Variants in SLC4A4 observed in about 807,000 individuals in gnomAD.
SLC4A4 encodes electrogenic sodium bicarbonate cotransporter 1.
A neutral mutation model predicts 111.5 loss-of-function variants in SLC4A4; 27 were observed. The observed-to-expected ratio is 0.24, with a 90% CI of 0.18 to 0.33. The LOEUF is 0.33. Among genes scored for constraint, SLC4A4 ranks in the 10% least tolerant of loss-of-function variants. The pLI, the probability that SLC4A4 is intolerant of heterozygous loss-of-function variation, is 1.00. For synonymous variants in SLC4A4, 443 were observed against 463.4 expected, an observed-to-expected ratio of 0.96 and a Z score of 0.57; for missense variants, 909 against 1,315.5, an observed-to-expected ratio of 0.69 and a Z score of 4.78.
At chr4:71,243,059 T>A (rs541957370) in intron 2 of SLC4A4, among the ~76,000 whole-genome samples, 1 of 152,284 alleles carries the variant, frequency 6.6e-6, no homozygotes, top group Non-Finnish European at 1.5e-5. Context: ...TGTCTTTTTT[T>A]CCAAGAAGAG....
chr4:71,495,729 C>G (rs139116856), intron 15 of SLC4A4, among the ~76,000 whole-genome samples: 2 of 152,106 alleles, frequency 1.3e-5, no homozygotes, highest in South Asian at 2.1e-4. Context: ...AGGTAGAACT[C>G]TTGTCTTCAA....
intron 2 of SLC4A4, among the ~76,000 whole-genome samples, chr4:71,137,248 C>T (rs1405809801): frequency 6.6e-6 from 1 of 152,182 alleles, no homozygotes; most frequent in East Asian, 1.9e-4. Context: ...TCATCTTTCA[C>T]CCCAGTTCTG....
At chr4:71,385,993 T>C (rs934970524) in intron 6 of SLC4A4, among the ~76,000 whole-genome samples, 1 of 151,994 alleles carries the variant, frequency 6.6e-6, no homozygotes, top group Non-Finnish European at 1.5e-5. Flanking sequence ...AAGGACAAAT[T>C]AAGGTTAAAA....
intron 6 of SLC4A4, among the ~76,000 whole-genome samples, chr4:71,378,668 C>G (rs1717783405): frequency 6.6e-6 from 1 of 152,172 alleles, no homozygotes; most frequent in African/African-American, 2.4e-5. Flanking sequence ...ATGCAGTATT[C>G]CAGCTACAGA....
chr4:71,243,811 G>C (rs1319623292), intron 2 of SLC4A4, among the ~76,000 whole-genome samples: 1 of 152,082 alleles, frequency 6.6e-6, no homozygotes, highest in African/African-American at 2.4e-5. Context: ...CTATCCAAAG[G>C]GCTATATCCA....
chr4:71,446,950 G>A (rs1381009052), intron 8 of SLC4A4, among the ~76,000 whole-genome samples: 1 of 152,180 alleles, frequency 6.6e-6, no homozygotes, highest in Non-Finnish European at 1.5e-5. Context: ...GGTTAAGTTT[G>A]TTATTGTATG....
At chr4:71,507,238 A>G (rs1488288687) in intron 16 of SLC4A4, among the ~76,000 whole-genome samples, 1 of 152,200 alleles carries the variant, frequency 6.6e-6, no homozygotes, top group Non-Finnish European at 1.5e-5. Context: ...AAATCCATAC[A>G]TAACAATTCT....
intron 1 of SLC4A4, among the ~76,000 whole-genome samples, chr4:71,090,919 G>A (rs186570191): frequency 3.5e-4 from 54 of 152,228 alleles, no homozygotes; most frequent in African/African-American, 1.3e-3. Flanking sequence ...ACAGAAGGTC[G>A]TTCATGTTGA....
chr4:71,085,151 G>A (rs912394511), intron 1 of SLC4A4, among the ~76,000 whole-genome samples: 1 of 151,990 alleles, frequency 6.6e-6, no homozygotes, highest in Non-Finnish European at 1.5e-5. Context: ...TTCTCTGTTG[G>A]CCAGTGAAGA....
chr4:71,540,227 A>G (rs188128647), intron 18 of SLC4A4, among the ~76,000 whole-genome samples: 4 of 152,220 alleles, frequency 2.6e-5, no homozygotes, highest in African/African-American at 9.6e-5. Context: ...ATGAACGTCT[A>G]TTCTGTGTCC....
chr4:71,424,775 G>T (rs987498331), intron 7 of SLC4A4, among the ~76,000 whole-genome samples: 2 of 151,996 alleles, frequency 1.3e-5, no homozygotes, highest in Non-Finnish European at 2.9e-5. Flanking sequence ...CTCACTCATA[G>T]GTGGGAATTG....
intron 12 of SLC4A4, among the ~76,000 whole-genome samples, chr4:71,461,487 G>T (rs182995609): frequency 6.6e-6 from 1 of 152,034 alleles, no homozygotes; most frequent in African/African-American, 2.4e-5. Context: ...ACCAAATTGC[G>T]ATAAATCCAA....
intron 3 of SLC4A4, among the ~76,000 whole-genome samples, chr4:71,327,817 A>G (rs1380433783): frequency 6.7e-6 from 1 of 150,010 alleles, no homozygotes; most frequent in Admixed American, 6.6e-5. Context: ...AGCATTTATT[A>G]TTTTTTTGTG....
rs549415554 is a variant in SLC4A4, at chr4:71,153,850, G to A, written c.-2+61058G>A. Among the ~76,000 whole-genome samples, 18 of 152,128 alleles carry A rather than the reference G, an allele frequency of 1.2e-4. No individual in the cohort carries two copies. The South Asian group carries it at 3.5e-3, about 30-fold the overall frequency. ...GCCTCTTATTGACCCTCTACTCCAC[G>A]CCCTTGTTCTTGTCACCAGTGGGCT... On this transcript the variant is annotated intron_variant, in intron 2 of 26. Coordinates refer to the SLC4A4 transcript ENST00000649996.
In SLC4A4 at chr4:71,497,079, A is replaced by G. The variant is rs535760695; in HGVS notation, c.1975-422A>G. Among the ~76,000 whole-genome samples, 6 of 152,250 alleles carry G rather than the reference A, an allele frequency of 3.9e-5. 1 individual carries two copies. The highest frequency in any genetic ancestry group is 1.4e-4 in the African/African-American group (6 of 41,556). On this transcript the variant is annotated intron_variant, in intron 15 of 25. Coordinates refer to ENST00000264485, the MANE Select transcript of SLC4A4 (RefSeq NM_001098484.3). ...CTTTTAGAGCATTAACCATAGGGCCATCAGGTAGACACGTAAGAAGCTGTG... is the reference window on the plus strand; with the variant it reads ...CTTTTAGAGCATTAACCATAGGGCCGTCAGGTAGACACGTAAGAAGCTGTG...
intron 7 of SLC4A4, 31 bp from the exon 8 acceptor site, chr4:71,440,585 A>G: frequency 6.2e-7 from 1 of 1,613,964 alleles, no homozygotes; most frequent in Non-Finnish European, 8.5e-7. Context: ...TTGTGGAACT[A>G]AATTGTGTTT....
intron 3 of SLC4A4, among the ~76,000 whole-genome samples, chr4:71,327,721 A>G (rs565065636): frequency 6.6e-6 from 1 of 152,052 alleles, no homozygotes; most frequent in East Asian, 1.9e-4. Flanking sequence ...ATAGGTATAT[A>G]TATTTACGGG....
At chr4:71,105,122 C>A (rs1326687587) in intron 2 of SLC4A4, among the ~76,000 whole-genome samples, 2 of 136,346 alleles carry the variant, frequency 1.5e-5, no homozygotes, top group Non-Finnish European at 3.0e-5. Flanking sequence ...TCTTATACAC[C>A]AACAACAGAC....
chr4:71,383,519 A>G (rs1718359381), intron 6 of SLC4A4, among the ~76,000 whole-genome samples: 3 of 152,138 alleles, frequency 2.0e-5, no homozygotes, highest in Admixed American at 2.0e-4. Context: ...AGTTCTCTGA[A>G]CTCATTTTCT....
Sources: allele counts gnomAD v4.1 joint callset (sites outside exome capture counted in the v4.1 genomes callset), GRCh38; gene constraint gnomAD v4.1.1; transcripts MANE v1.5; gene names NCBI Gene and HGNC (gene_info 2026-07-23, HGNC 2026-07-21).